Variants in ACSBG2 observed in about 807,000 individuals in gnomAD.
ACSBG2 encodes acyl-CoA synthetase bubblegum family member 2, also known as long-chain-fatty-acid--CoA ligase ACSBG2.
In ACSBG2, 62 loss-of-function variants were observed where a neutral mutation model predicts 74.7. The observed-to-expected ratio is 0.83, with a 90% CI of 0.68 to 1.03. ACSBG2 has a LOEUF of 1.03. Ranked by LOEUF, ACSBG2 falls within the 50% of genes least tolerant of loss-of-function variation. The probability of loss-of-function intolerance (pLI) is 0.00; values close to 1 mark genes in which losing one functional copy is unlikely to be tolerated. For missense variants in ACSBG2, 730 were observed against 817.6 expected (o/e 0.89, Z 1.31); for synonymous variants, 309 against 294.1 (o/e 1.05, Z -0.52).
chr19:6,192,388 G>C (rs1027618590), intron 14 of ACSBG2, among the ~76,000 whole-genome samples: 1 of 152,156 alleles, frequency 6.6e-6, no homozygotes, highest in Non-Finnish European at 1.5e-5. Flanking sequence ...TTCACAAAGT[G>C]CTGTGATTAC....
intron 3 of ACSBG2, 23 bp downstream of exon 3, chr19:6,147,698 C>A (rs1447491575): frequency 1.9e-6 from 3 of 1,596,910 alleles, no homozygotes; most frequent in African/African-American, 1.3e-5. Context: ...CATTCATTCT[C>A]CTTTGTTCAA....
At chr19:6,157,586 C>T (rs2089467646) in intron 5 of ACSBG2, among the ~76,000 whole-genome samples, 1 of 151,650 alleles carries the variant, frequency 6.6e-6, no homozygotes, top group South Asian at 2.1e-4. Flanking sequence ...AAACAAAAAC[C>T]ATTTTTTTTT....
chr19:6,156,670 A>G, intron 5 of ACSBG2, 119 bp downstream of exon 5: 1 of 1,128,086 alleles, frequency 8.9e-7, no homozygotes, highest in Non-Finnish European at 1.2e-6. Context: ...GCATCTGTTC[A>G]GCGAGTCCTC....
Position 6,161,284 on chromosome 19 carries a change from A to T in ACSBG2, c.577A>T (p.Asn193Tyr). The change falls in exon 6 of 15, where the codon AAC becomes TAC. Residue 193 changes from asparagine to tyrosine, a missense_variant. Physicochemically the swap from Asn to Tyr is moderately radical, Grantham distance 143. Coordinates refer to ENST00000588485, the MANE Select transcript of ACSBG2 (RefSeq NM_030924.5). ...CAGACTGCCAATGAAGAAGAACAAC[A>T]ACTTGTACTCTGTAAGTGTGGGAGG... Reference protein sequence around the residue: ...QYRLPMKKNNNLYSWDDFMEL... With the variant: ...QYRLPMKKNNYLYSWDDFMEL... 1 of 1,612,822 alleles carries T rather than the reference A, an allele frequency of 6.2e-7. No homozygotes were observed. The highest frequency in any genetic ancestry group is 8.5e-7 in the Non-Finnish European group (1 of 1,179,136).
At chr19:6,170,053 T>A (rs979877417) in intron 7 of ACSBG2, among the ~76,000 whole-genome samples, 3 of 152,152 alleles carry the variant, frequency 2.0e-5, no homozygotes, top group Non-Finnish European at 2.9e-5. Flanking sequence ...GTTCCTATTT[T>A]CCTATTCATA....
intron 1 of ACSBG2, among the ~76,000 whole-genome samples, chr19:6,140,808 T>C (rs960294984): frequency 6.6e-6 from 1 of 152,068 alleles, no homozygotes; most frequent in Admixed American, 6.5e-5. Flanking sequence ...TTTTTGATCT[T>C]ACTTAACCTG....
chr19:6,141,802 T>C (rs781001257), intron 2 of ACSBG2, among the ~76,000 whole-genome samples, 192 bp downstream of exon 2: 1 of 151,368 alleles, frequency 6.6e-6, no homozygotes, highest in Non-Finnish European at 1.5e-5. Context: ...GGTGCAGTCA[T>C]AGCTCACTGC....
At chr19:6,147,326 C>A in intron 2 of ACSBG2, 120 bp from the exon 3 acceptor site, 1 of 734,778 alleles carries the variant, frequency 1.4e-6, no homozygotes, top group South Asian at 1.8e-5. Context: ...TAACTTCACC[C>A]TAGAAGGGGA....
rs142325442 is a variant in ACSBG2, at chr19:6,185,178, C to T, written c.1323-258C>T. ...CTGGGCTCGAGCAATATTCCCTCCT[C>T]GGCTTTCCAAAGTGTTAAGATTACA... On this transcript the variant is annotated intron_variant, in intron 10 of 14. Coordinates refer to ENST00000588485, the MANE Select transcript of ACSBG2 (RefSeq NM_030924.5). Among the ~76,000 whole-genome samples, 5 of 152,236 alleles carry T rather than the reference C, an allele frequency of 3.3e-5. No homozygotes were observed. The East Asian group carries it at 7.7e-4, about 24-fold the overall frequency.
rs975165634 is a variant in ACSBG2 at position 6,176,250 on chromosome 19, G to A, written c.739-979G>A. The A allele has an allele frequency of 1.4e-5, 18 of 1,324,988 alleles. 1 individual carries two copies. The highest frequency in any genetic ancestry group is 5.7e-5 in the South Asian group (2 of 35,150). The allele number at this position is 1,324,988 out of a possible 1,614,324, so 82.1% of individuals were successfully genotyped here. On this transcript the variant is annotated intron_variant, in intron 7 of 14. Coordinates refer to ENST00000588485, the MANE Select transcript of ACSBG2 (RefSeq NM_030924.5). ...GGGCTACCCAAGAGGCTGAAGTGGG[G>A]GCCCCAGGTCCTTACTCGATCTTAC... is the stretch of plus-strand genomic sequence containing the variant.
Position 6,174,453 on chromosome 19 carries a change from A to G in ACSBG2, c.739-2776A>G, listed in dbSNP as rs938769828. Among the ~76,000 whole-genome samples the G allele has an allele frequency of 1.3e-5, 2 of 152,238 alleles. No homozygotes were observed. Among genetic ancestry groups the G allele is most frequent in the African/African-American group, 4.8e-5 (2 of 41,458 alleles). Reference sequence around the variant, plus strand: ...TCTGCAGCTCTGTTTAATCTACCACATATACATAAAATGCTTAGAACAATG... The same window carrying G: ...TCTGCAGCTCTGTTTAATCTACCACGTATACATAAAATGCTTAGAACAATG... On this transcript the variant is annotated intron_variant, in intron 7 of 14. Coordinates refer to ENST00000588485, the MANE Select transcript of ACSBG2 (RefSeq NM_030924.5). The surrounding 1 kb of genome is among the most constrained non-coding windows in gnomAD (Gnocchi z 4.2).
At position 6,183,007 on chromosome 19, in the gene ACSBG2, C is replaced by G. The variant is rs755541739; in HGVS notation, c.1089-32C>G. On this transcript the variant is annotated intron_variant, in intron 9 of 14. Transcript: ENST00000588485. ...GCCTTCTCCAGTGGGTCCCATCAGC[C>G]CTTCTCCACTTGACGGCATTCTTAT... 5.6e-6 allele frequency: 9 copies of G among 1,613,224 alleles called. No homozygotes were observed. In the East Asian group the frequency reaches 1.6e-4, roughly 28 times the overall value.
rs2090087189 is a variant in ACSBG2, at chr19:6,176,326, G to A, written c.739-903G>A. ...TATGTGAGCGCCCCAATCTTTATGG[G>A]TACCCAGATGTCCATCATCTGTGCT... On this transcript the variant is annotated intron_variant, in intron 7 of 14. Transcript: ENST00000588485. The A allele has an allele frequency of 2.8e-6, 4 of 1,421,778 alleles. No homozygotes were observed. In the South Asian group the frequency reaches 5.5e-5, roughly 19 times the overall value. 88.1% of individuals were successfully genotyped at this position (1,421,778 alleles called of 1,614,324 possible).
chr19:6,181,823 C>CG (rs2090269378), intron 8 of ACSBG2, among the ~76,000 whole-genome samples: 1 of 131,462 alleles, frequency 7.6e-6, no homozygotes. Flanking sequence ...GCCCCCCCCC[C>CG]CAACGAAATT....
chr19:6,168,452 CATATT>C lies in ACSBG2; in HGVS notation c.738+2442_738+2446del, dbSNP rs2089873666. On this transcript the variant is annotated intron_variant, in intron 7 of 14. Transcript: ENST00000588485. ...CTTCCTTAGAAAATTTTGACACTGT[CATATT>C]ATATGCTCATTTGTTTATCAGGAAC... 2.6e-5 allele frequency among the ~76,000 whole-genome samples: 4 copies of C among 152,226 alleles called. No individual in the cohort carries two copies. In the South Asian group the frequency reaches 8.3e-4, roughly 32 times the overall value.
chr19:6,152,443 A>T (rs2089273129), intron 4 of ACSBG2, among the ~76,000 whole-genome samples: 1 of 73,062 alleles, frequency 1.4e-5, no homozygotes, highest in East Asian at 4.3e-4. Context: ...GGCGCCCGCC[A>T]CCGCGCCCGG....
chr19:6,151,113 C>CAAAAAA (rs1332726831), intron 3 of ACSBG2, among the ~76,000 whole-genome samples: 1 of 58,998 alleles, frequency 1.7e-5, no homozygotes, highest in African/African-American at 5.6e-5. Context: ...GACTCTGTCT[C>CAAAAAA]AAAAAAAAAA....
At chr19:6,189,985 G>A (rs1245465052) in intron 13 of ACSBG2, 1 of 153,660 alleles carries the variant, frequency 6.5e-6, no homozygotes, top group Non-Finnish European at 1.4e-5. Flanking sequence ...TGGGATTACA[G>A]GCGTGAGCCA....
chr19:6,172,851 G>A (rs140982885), intron 7 of ACSBG2, among the ~76,000 whole-genome samples: 2 of 152,296 alleles, frequency 1.3e-5, no homozygotes, highest in East Asian at 3.9e-4. Flanking sequence ...AGATCATGAT[G>A]GGGTGCACTG....
Sources: gnomAD v4.1 joint callset for allele counts (sites outside exome capture counted in the v4.1 genomes callset) on GRCh38, gnomAD v4.1.1 for gene constraint, Gnocchi (gnomAD v3.1) non-coding constraint, MANE v1.5 for transcripts, NCBI Gene and HGNC (gene_info 2026-07-23, HGNC 2026-07-21) for gene names.